The following ZC2HC1B variants were observed in gnomAD, a reference collection of about 807,000 sequenced individuals.
The protein encoded by ZC2HC1B is zinc finger C2HC-type containing 1B, also known as zinc finger C2HC domain-containing protein 1B.
A neutral mutation model predicts 31.0 loss-of-function variants in ZC2HC1B; 36 were observed. The ratio of observed to expected loss-of-function variants is 1.16; its 90% CI spans 0.89 to 1.54. The LOEUF is 1.54. Ranked by LOEUF, ZC2HC1B falls within the 40% of genes most tolerant of loss-of-function variation. ZC2HC1B has a pLI of 0.00. For synonymous variants in ZC2HC1B, 73 were observed against 88.0 expected (o/e 0.83, Z 0.95); for missense variants, 260 against 268.6 (o/e 0.97, Z 0.22).
chr6:143,916,326 T>C (rs1369488903), intron 6 of ZC2HC1B, among the ~76,000 whole-genome samples: 1 of 152,182 alleles, frequency 6.6e-6, no homozygotes, highest in Non-Finnish European at 1.5e-5. Context: ...TGGAAACACC[T>C]GGATGCCCAA....
In ZC2HC1B at chr6:143,885,915, G is replaced by GA; in HGVS notation, c.91-115dup. ...GCTCTGCTGTGACCTGTTAGAGAAT[G>GA]AACTAGGCTCTGAGGAGCAAACATA... On this transcript the variant is annotated intron_variant, in intron 2 of 7. Transcript: ENST00000237275. This position sits in a 1 kb window ranked among gnomAD's most constrained non-coding sequence, Gnocchi z 4.2. 1 of 1,183,766 alleles carries GA rather than the reference G, an allele frequency of 8.4e-7. No individual in the cohort carries two copies. The highest frequency in any genetic ancestry group is 1.1e-6 in the Non-Finnish European group (1 of 898,672). 73.3% of individuals were successfully genotyped at this position (1,183,766 alleles called of 1,614,324 possible).
intron 1 of ZC2HC1B, among the ~76,000 whole-genome samples, chr6:143,878,417 G>C (rs956295851): frequency 6.6e-6 from 1 of 150,536 alleles, no homozygotes; most frequent in Admixed American, 6.6e-5. Context: ...GGCAGAGGTT[G>C]CAGTGTGCCA....
chr6:143,898,792 G>A, intron 5 of ZC2HC1B, 101 bp downstream of exon 5: 1 of 1,422,418 alleles, frequency 7.0e-7, no homozygotes, highest in Admixed American at 2.3e-5. Flanking sequence ...CCTAAGAAGT[G>A]TAAGCGTGAA....
At position 143,933,304 on chromosome 6, in the gene ZC2HC1B, C is replaced by T. The variant is rs1028258198; in HGVS notation, c.599-4345C>T. 1.2e-4 allele frequency among the ~76,000 whole-genome samples: 19 copies of T among 152,106 alleles called. No individual in the cohort carries two copies. Among genetic ancestry groups the T allele is most frequent in the African/African-American group, 4.6e-4 (19 of 41,416 alleles). On this transcript the variant is annotated intron_variant, in intron 6 of 7. Transcript: ENST00000237275. This position sits in a 1 kb window ranked among gnomAD's most constrained non-coding sequence, Gnocchi z 6.4. Reference sequence around the variant, plus strand: ...GGAGGTGGTGCTTTTGAGAGTGCGCCAGCCAGCTGCAATAGTAGAGGGGGA... The same window carrying T: ...GGAGGTGGTGCTTTTGAGAGTGCGCTAGCCAGCTGCAATAGTAGAGGGGGA...
rs1442896384 is a variant in ZC2HC1B, at chr6:143,870,644, C to T, written c.28+6077C>T. 3.3e-5 allele frequency among the ~76,000 whole-genome samples: 5 copies of T among 152,190 alleles called. No homozygotes were observed. In the East Asian group the frequency reaches 9.6e-4, roughly 29 times the overall value. On this transcript the variant is annotated intron_variant, in intron 1 of 7. Transcript: ENST00000237275. This position sits in a 1 kb window ranked among gnomAD's most constrained non-coding sequence, Gnocchi z 4.7. ...GGTTGCATGGTGACTTGATGACCCA[C>T]AGTCAAACGTTCAGTTTCCACCAAA... is the stretch of plus-strand genomic sequence containing the variant.
intron 4 of ZC2HC1B, among the ~76,000 whole-genome samples, chr6:143,890,917 C>T (rs1777593433): frequency 6.6e-6 from 1 of 151,236 alleles, no homozygotes; most frequent in African/African-American, 2.4e-5. Flanking sequence ...ATCACGAGGT[C>T]AGGTGTTCGA....
intron 5 of ZC2HC1B, among the ~76,000 whole-genome samples, chr6:143,900,513 A>G (rs1170482488): frequency 6.6e-6 from 1 of 151,770 alleles, no homozygotes; most frequent in Admixed American, 6.6e-5. Context: ...GAAAAGAGGA[A>G]TTGATTGAAT....
rs1461145438 is a variant in ZC2HC1B, at chr6:143,905,206, T to C, written c.598+2054T>C. On this transcript the variant is annotated intron_variant, in intron 6 of 7. Transcript: ENST00000237275. The surrounding 1 kb of genome is among the most constrained non-coding windows in gnomAD (Gnocchi z 4.2). ...AGTTTTCAAATCCATGAACATGGAA[T>C]ATATTTCTGTTTATTTATGTCCTCT... Among the ~76,000 whole-genome samples the C allele has an allele frequency of 6.6e-6, 1 of 152,234 alleles. No individual in the cohort carries two copies. The highest frequency in any genetic ancestry group is 1.5e-5 in the Non-Finnish European group (1 of 68,042).
At chr6:143,896,823 T>C (rs149426414) in intron 4 of ZC2HC1B, among the ~76,000 whole-genome samples, 17 of 152,332 alleles carry the variant, frequency 1.1e-4, no homozygotes, top group African/African-American at 3.6e-4. Flanking sequence ...CTTTTTATCA[T>C]TTCCCAATGC....
At chr6:143,910,820 C>G (rs1415238074) in intron 6 of ZC2HC1B, among the ~76,000 whole-genome samples, 1 of 152,164 alleles carries the variant, frequency 6.6e-6, no homozygotes, top group East Asian at 1.9e-4. Context: ...GTGGCACGAT[C>G]TTGGCTCATT....
At position 143,868,237 on chromosome 6, in the gene ZC2HC1B, T is replaced by C. The variant is rs1777291351; in HGVS notation, c.28+3670T>C. Among the ~76,000 whole-genome samples the C allele has an allele frequency of 6.6e-6, 1 of 152,154 alleles. No individual in the cohort carries two copies. The highest frequency in any genetic ancestry group is 1.5e-5 in the Non-Finnish European group (1 of 68,028). ...TTTAAATCAGAAGGTGTATTAGGGT[T>C]CTCTAGAGGGATGGAACTAATAGGC... On this transcript the variant is annotated intron_variant, in intron 1 of 7. Coordinates refer to ENST00000237275, the MANE Select transcript of ZC2HC1B (RefSeq NM_001013623.3). The surrounding 1 kb of genome is among the most constrained non-coding windows in gnomAD (Gnocchi z 4.2).
Position 143,898,674 on chromosome 6 carries a change from T to C in ZC2HC1B, c.472T>C (p.Leu158=), listed in dbSNP as rs1406319256. Residue 158 remains leucine, a synonymous_variant, in exon 5 of 8, where the codon TTG becomes CTG. Coordinates refer to ENST00000237275, the MANE Select transcript of ZC2HC1B (RefSeq NM_001013623.3). ...VFNPAQTAAK[L]ASRAQGRAQM... ...TAATCCAGCTCAGACAGCAGCCAAATTGGCATCCAGAGCTCAGGTAACTAT... is the reference window on the plus strand; with the variant it reads ...TAATCCAGCTCAGACAGCAGCCAAACTGGCATCCAGAGCTCAGGTAACTAT... 3 of 1,552,154 alleles carry C rather than the reference T, an allele frequency of 1.9e-6. No individual in the cohort carries two copies. Among genetic ancestry groups the C allele is most frequent in the Admixed American group, 2.0e-5 (1 of 51,008 alleles).
intron 6 of ZC2HC1B, among the ~76,000 whole-genome samples, chr6:143,907,831 TTCA>T (rs1380663497): frequency 6.6e-6 from 1 of 152,228 alleles, no homozygotes; most frequent in African/African-American, 2.4e-5. Flanking sequence ...TTTTGGTGTC[TTCA>T]TCATGAAATC....
rs1281860234 is a variant in ZC2HC1B, at chr6:143,884,067, C to T, written c.29-237C>T. Among the ~76,000 whole-genome samples the T allele has an allele frequency of 6.6e-6, 1 of 152,112 alleles. No individual in the cohort carries two copies. Among genetic ancestry groups the T allele is most frequent in the East Asian group, 1.9e-4 (1 of 5,192 alleles). Reference sequence around the variant, plus strand: ...AAATATTAAATCAAATAATTATACTCTGGTTGCCTGAAGGATATGGAATTT... The same window carrying T: ...AAATATTAAATCAAATAATTATACTTTGGTTGCCTGAAGGATATGGAATTT... On this transcript the variant is annotated intron_variant, in intron 1 of 7. Coordinates refer to ENST00000237275, the MANE Select transcript of ZC2HC1B (RefSeq NM_001013623.3). The surrounding 1 kb of genome is among the most constrained non-coding windows in gnomAD (Gnocchi z 5.1).
intron 6 of ZC2HC1B, among the ~76,000 whole-genome samples, chr6:143,932,936 G>A (rs753440386): frequency 7.2e-5 from 11 of 152,180 alleles, no homozygotes; most frequent in South Asian, 2.1e-4. Context: ...CCACTCAGCA[G>A]GGCTACCAGG....
rs1388419589 is a variant in ZC2HC1B at position 143,903,935 on chromosome 6, T to G, written c.598+783T>G. On this transcript the variant is annotated intron_variant, in intron 6 of 7. Coordinates refer to ENST00000237275, the MANE Select transcript of ZC2HC1B (RefSeq NM_001013623.3). This position sits in a 1 kb window ranked among gnomAD's most constrained non-coding sequence, Gnocchi z 4.3. The stretch of plus-strand genomic sequence containing the variant: ...TTTATTTATTTTTAAATGTTCTCCA[T>G]CTGTAGTTGTTAAATCTGCAGATGT... 6.6e-6 allele frequency among the ~76,000 whole-genome samples: 1 copy of G among 152,228 alleles called. No individual in the cohort carries two copies. Among genetic ancestry groups the G allele is most frequent in the East Asian group, 1.9e-4 (1 of 5,200 alleles).
intron 6 of ZC2HC1B, among the ~76,000 whole-genome samples, chr6:143,904,654 C>T (rs768234801): frequency 2.0e-5 from 3 of 152,162 alleles, no homozygotes; most frequent in Non-Finnish European, 4.4e-5. Flanking sequence ...ACCAAGGAAT[C>T]CAAGAAATTG....
chr6:143,902,534 G>T (rs1777748811), intron 5 of ZC2HC1B, among the ~76,000 whole-genome samples: 1 of 152,022 alleles, frequency 6.6e-6, no homozygotes, highest in South Asian at 2.1e-4. Flanking sequence ...GAAACCTTTT[G>T]GTCCTTATTT....
intron 5 of ZC2HC1B, 107 bp from the exon 6 acceptor site, chr6:143,902,937 G>GATACCAAAT: frequency 1.0e-6 from 1 of 984,230 alleles, no homozygotes; most frequent in Non-Finnish European, 1.5e-6. Flanking sequence ...CCCTGCAGAT[G>GATACCAAAT]ATACCATTCT....
Sources: allele counts gnomAD v4.1 joint callset (sites outside exome capture counted in the v4.1 genomes callset), GRCh38; gene constraint gnomAD v4.1.1; non-coding constraint Gnocchi (gnomAD v3.1); transcripts MANE v1.5; gene names NCBI Gene and HGNC (gene_info 2026-07-23, HGNC 2026-07-21).